AKAP6: variants seen among roughly 807,000 people sequenced by gnomAD.
AKAP6 encodes A-kinase anchoring protein 6.
Under a neutral mutation model 188.5 loss-of-function variants are expected in AKAP6, and 58 were observed. That is an observed-to-expected ratio of 0.31 (90% confidence interval 0.25 to 0.38). AKAP6 has a LOEUF of 0.38. Among genes scored for constraint, AKAP6 ranks in the 10% least tolerant of loss-of-function variants. AKAP6 has a pLI of 1.00. For missense variants in AKAP6, 2,710 were observed against 2,740.0 expected (o/e 0.99, Z 0.24); for synonymous variants, 989 against 998.6 (o/e 0.99, Z 0.18).
intron 7 of AKAP6, among the ~76,000 whole-genome samples, chr14:32,639,648 CT>C (rs1166768894): frequency 6.6e-6 from 1 of 152,066 alleles, no homozygotes; most frequent in African/African-American, 2.4e-5. Flanking sequence ...AAAATTGCAC[CT>C]GTGAAAAATA....
intron 9 of AKAP6, among the ~76,000 whole-genome samples, chr14:32,706,879 A>G (rs1255048623): frequency 6.6e-6 from 1 of 152,048 alleles, no homozygotes; most frequent in South Asian, 2.1e-4. Flanking sequence ...CTTTGGGTTG[A>G]TTTCAATTTC....
chr14:32,489,773 T>C (rs8004777), intron 2 of AKAP6, among the ~76,000 whole-genome samples: 102,247 of 152,118 alleles, frequency 0.67, 35,852 homozygotes, highest in East Asian at 0.89. Context: ...CTCTAAATAA[T>C]ATAGTTTGCC....
rs149324442 is a variant in AKAP6 at position 32,623,689 on chromosome 14, A to G, written c.2730+22897A>G. 6.4e-3 allele frequency among the ~76,000 whole-genome samples: 981 copies of G among 152,308 alleles called. 13 individuals are homozygous for G. Among genetic ancestry groups the G allele is most frequent in the African/African-American group, 0.022 (915 of 41,576 alleles). On this transcript the variant is annotated intron_variant, in intron 7 of 13. Transcript: ENST00000280979. ...CCGTGGCATAATTTGCAGTTAGAGA[A>G]GACTCAGAAGAGAGTGAGAGAAGGA...
intron 1 of AKAP6, among the ~76,000 whole-genome samples, chr14:32,358,809 G>A (rs973312796): frequency 6.6e-6 from 1 of 152,144 alleles, no homozygotes; most frequent in Admixed American, 6.5e-5. Flanking sequence ...ACTGCTAAGG[G>A]TCAATCATCA....
At chr14:32,335,278 C>A (rs1886654575) in intron 1 of AKAP6, among the ~76,000 whole-genome samples, 1 of 152,158 alleles carries the variant, frequency 6.6e-6, no homozygotes. Flanking sequence ...TAATACTCTG[C>A]TGTAACCATC....
chr14:32,373,785 AAAGGCGGTTCCAT>A (rs1888080881), intron 1 of AKAP6, among the ~76,000 whole-genome samples: 1 of 152,226 alleles, frequency 6.6e-6, no homozygotes, highest in Non-Finnish European at 1.5e-5. Context: ...ATAATTTTGC[AAAGGCGGTTCCAT>A]AAGGTCATTT....
intron 7 of AKAP6, among the ~76,000 whole-genome samples, chr14:32,645,901 G>T (rs1163702625): frequency 6.6e-6 from 1 of 152,076 alleles, no homozygotes; most frequent in Non-Finnish European, 1.5e-5. Flanking sequence ...CATTTAATTT[G>T]CCATTCCTCG....
chr14:32,727,523 T>C (rs1387095960), intron 9 of AKAP6, among the ~76,000 whole-genome samples: 1 of 152,218 alleles, frequency 6.6e-6, no homozygotes, highest in African/African-American at 2.4e-5. Flanking sequence ...GTTTGATTTA[T>C]ATTAAAGATA....
chr14:32,777,342 G>A (rs546444982), intron 12 of AKAP6, among the ~76,000 whole-genome samples: 1 of 152,198 alleles, frequency 6.6e-6, no homozygotes, highest in Non-Finnish European at 1.5e-5. Flanking sequence ...GTCAGCTGAT[G>A]TGAATATGAA....
intron 11 of AKAP6, among the ~76,000 whole-genome samples, chr14:32,752,103 C>T (rs1031154109): frequency 5.9e-5 from 9 of 152,126 alleles, no homozygotes; most frequent in East Asian, 1.9e-4. Context: ...ATATAAATGG[C>T]TCCCTGTACA....
intron 9 of AKAP6, among the ~76,000 whole-genome samples, chr14:32,712,187 G>T (rs996973376): frequency 6.6e-6 from 1 of 151,948 alleles, no homozygotes; most frequent in Non-Finnish European, 1.5e-5. Flanking sequence ...TAAAAGTTGC[G>T]TTTACACTAT....
intron 1 of AKAP6, among the ~76,000 whole-genome samples, chr14:32,363,750 A>T (rs1887738003): frequency 6.6e-6 from 1 of 152,208 alleles, no homozygotes; most frequent in Non-Finnish European, 1.5e-5. Context: ...CCACTGACTC[A>T]AATGTTAATC....
At chr14:32,331,514 T>C (rs539885930) in intron 1 of AKAP6, among the ~76,000 whole-genome samples, 2 of 152,130 alleles carry the variant, frequency 1.3e-5, no homozygotes, top group South Asian at 4.1e-4. Context: ...GCTTTTGTGC[T>C]CTTTTTGCTC....
chr14:32,706,952 C>A (rs2139736065), intron 9 of AKAP6, among the ~76,000 whole-genome samples: 1 of 152,272 alleles, frequency 6.6e-6, no homozygotes, highest in East Asian at 1.9e-4. Context: ...CTATACCCTA[C>A]TGAAACTCAT....
At chr14:32,737,773 A>G (rs2031495963) in intron 11 of AKAP6, among the ~76,000 whole-genome samples, 1 of 152,158 alleles carries the variant, frequency 6.6e-6, no homozygotes, top group Admixed American at 6.5e-5. Flanking sequence ...GTAATGACAG[A>G]TAAACTACAA....
At chr14:32,649,888 TG>T (rs1888138800) in intron 7 of AKAP6, among the ~76,000 whole-genome samples, 1 of 152,180 alleles carries the variant, frequency 6.6e-6, no homozygotes, top group Non-Finnish European at 1.5e-5. Context: ...CACAAGATTG[TG>T]TTGTAGAGGA....
chr14:32,751,746 C>A (rs960529866), intron 11 of AKAP6, among the ~76,000 whole-genome samples: 1 of 152,030 alleles, frequency 6.6e-6, no homozygotes, highest in African/African-American at 2.4e-5. Flanking sequence ...AGCTTGTTTT[C>A]TGTTTCTGCA....
chr14:32,655,376 C>A (rs896906893), intron 7 of AKAP6, among the ~76,000 whole-genome samples: 2 of 152,136 alleles, frequency 1.3e-5, no homozygotes, highest in Non-Finnish European at 2.9e-5. Context: ...TATATTTGAA[C>A]AATTTATTAT....
chr14:32,589,779 A>C (rs751203195), intron 5 of AKAP6, among the ~76,000 whole-genome samples: 2 of 152,184 alleles, frequency 1.3e-5, no homozygotes, highest in Non-Finnish European at 2.9e-5. Flanking sequence ...GAAACACTGC[A>C]TTTATTAAGC....
Sources: gnomAD v4.1 joint callset for allele counts (sites outside exome capture counted in the v4.1 genomes callset) on GRCh38, gnomAD v4.1.1 for gene constraint, MANE v1.5 for transcripts, NCBI Gene and HGNC (gene_info 2026-07-23, HGNC 2026-07-21) for gene names.